The following DNAJC18 variants were observed in gnomAD, a reference collection of about 807,000 sequenced individuals.
DNAJC18 encodes dnaJ homolog subfamily C member 18.
A neutral mutation model predicts 48.6 loss-of-function variants in DNAJC18; 40 were observed. The observed-to-expected ratio is 0.82, with a 90% CI of 0.64 to 1.07. DNAJC18 has a LOEUF of 1.07. Ranked by LOEUF, DNAJC18 falls within the 50% of genes least tolerant of loss-of-function variation. The pLI, the probability that DNAJC18 is intolerant of heterozygous loss-of-function variation, is 0.00. For synonymous variants in DNAJC18, 135 were observed against 152.2 expected, an observed-to-expected ratio of 0.89 and a Z score of 0.83; for missense variants, 340 against 427.7, an observed-to-expected ratio of 0.79 and a Z score of 1.81.
Position 139,439,434 on chromosome 5 carries a change from A to G in DNAJC18, c.12T>C (p.Thr4=). The G allele has an allele frequency of 6.2e-7, 1 of 1,613,772 alleles. No individual in the cohort carries two copies. The change falls in exon 1 of 8, where the codon ACT becomes ACC. Residue 4 remains threonine (T), a synonymous_variant. Transcript: ENST00000302060. The surrounding 1 kb of genome is among the most constrained non-coding windows in gnomAD (Gnocchi z 4.1). ...CCGTCCAGCGCTCCCCGCTGCCCAGAGTCGCCGCCATATCGGTTCCCAATC... is the reference window on the plus strand; with the variant it reads ...CCGTCCAGCGCTCCCCGCTGCCCAGGGTCGCCGCCATATCGGTTCCCAATC... MAA[T]LGSGERWTEA...
chr5:139,428,922 G>A (rs1408017895), intron 2 of DNAJC18, among the ~76,000 whole-genome samples: 1 of 152,050 alleles, frequency 6.6e-6, no homozygotes, highest in Non-Finnish European at 1.5e-5. Context: ...CTGCAAGTGA[G>A]TAGAACAAGT....
intron 6 of DNAJC18, 25 bp from the exon 7 acceptor site, chr5:139,420,250 T>C (rs1201601909): frequency 7.6e-6 from 12 of 1,584,684 alleles, no homozygotes; most frequent in Non-Finnish European, 1.0e-5. Flanking sequence ...GAGAGGCTCA[T>C]GTGAGCTCAT....
At chr5:139,436,050 C>T (rs1226410629) in intron 2 of DNAJC18, among the ~76,000 whole-genome samples, 2 of 151,490 alleles carry the variant, frequency 1.3e-5, no homozygotes, top group African/African-American at 2.4e-5. Flanking sequence ...TTAATTAAAT[C>T]ACCTTATTTG....
In DNAJC18 at chr5:139,411,715, T is replaced by C. The variant is rs1450613283; in HGVS notation, c.*2433A>G. ...GTGCTATAAAAACAGACAATCAGCG[T>C]GACATTTAATGGAGTTAGTTATTAT... On this transcript the variant is annotated 3_prime_UTR_variant, in exon 8 of 8. Transcript: ENST00000302060. The C allele has an allele frequency of 1.3e-5, 2 of 152,224 alleles. No homozygotes were observed. The highest frequency in any genetic ancestry group is 2.4e-5 in the African/African-American group (1 of 41,458). The allele number at this position is 152,224 out of a possible 1,614,324, so 9.4% of individuals were successfully genotyped here.
intron 2 of DNAJC18, among the ~76,000 whole-genome samples, chr5:139,430,813 C>T (rs901657726): frequency 6.6e-6 from 1 of 152,094 alleles, no homozygotes; most frequent in African/African-American, 2.4e-5. Flanking sequence ...TCAAGTGATC[C>T]ACCTGCCTTG....
chr5:139,415,169 T>C (rs371151028), intron 7 of DNAJC18, among the ~76,000 whole-genome samples: 79 of 152,312 alleles, frequency 5.2e-4, no homozygotes, highest in Non-Finnish European at 9.0e-4. Context: ...AATGCTATTT[T>C]AATTGTTTTG....
chr5:139,420,585 T>C (rs951987556), intron 6 of DNAJC18, among the ~76,000 whole-genome samples: 2 of 148,652 alleles, frequency 1.3e-5, no homozygotes, highest in African/African-American at 2.5e-5. Flanking sequence ...CTATTATAAA[T>C]GCTGGTTGAA....
intron 2 of DNAJC18, among the ~76,000 whole-genome samples, chr5:139,429,032 T>C (rs1340239053): frequency 3.9e-5 from 6 of 152,050 alleles, no homozygotes; most frequent in African/African-American, 1.4e-4. Flanking sequence ...TTGTTTATAA[T>C]TTTTTCTCTC....
intron 2 of DNAJC18, among the ~76,000 whole-genome samples, chr5:139,431,199 C>G (rs11242466): frequency 0.5 from 75,820 of 152,026 alleles, 22,415 homozygotes; most frequent in Non-Finnish European, 0.67. Context: ...TTTAATAATG[C>G]TTTATTGAGA....
chr5:139,426,851 T>TCA (rs150809523), intron 3 of DNAJC18, among the ~76,000 whole-genome samples: 72 of 151,286 alleles, frequency 4.8e-4, no homozygotes, highest in East Asian at 1.4e-3. Context: ...TGAGACTTTG[T>TCA]CACACACACA....
intron 4 of DNAJC18, among the ~76,000 whole-genome samples, chr5:139,425,646 C>G (rs1030585376): frequency 6.6e-6 from 1 of 152,122 alleles, no homozygotes. Flanking sequence ...GAGAGAACCC[C>G]GAAAGGCTAG....
At chr5:139,416,080 G>A (rs909298583) in intron 7 of DNAJC18, among the ~76,000 whole-genome samples, 1 of 152,172 alleles carries the variant, frequency 6.6e-6, no homozygotes, top group African/African-American at 2.4e-5. Flanking sequence ...GTGTTTCAAG[G>A]AATCATGTCC....
chr5:139,436,093 T>TC (rs1371673440), intron 2 of DNAJC18, among the ~76,000 whole-genome samples: 2 of 151,860 alleles, frequency 1.3e-5, no homozygotes, highest in Non-Finnish European at 2.9e-5. Context: ...CTTTTTTTTT[T>TC]CTTTTTCTTT....
chr5:139,416,808 C>A (rs1274320603), intron 7 of DNAJC18, among the ~76,000 whole-genome samples: 1 of 152,190 alleles, frequency 6.6e-6, no homozygotes, highest in African/African-American at 2.4e-5. Context: ...TGGCCACTTG[C>A]CCTGGCATCA....
At chr5:139,428,026 CCT>C (rs1562000238) in intron 3 of DNAJC18, among the ~76,000 whole-genome samples, 2 of 152,156 alleles carry the variant, frequency 1.3e-5, no homozygotes, top group Admixed American at 6.5e-5. Context: ...CTCAAGCAAT[CCT>C]CCCACCTCAG....
At chr5:139,435,705 G>T (rs912523863) in intron 2 of DNAJC18, among the ~76,000 whole-genome samples, 46 of 41,190 alleles carry the variant, frequency 1.1e-3, no homozygotes, top group South Asian at 4.9e-3. Context: ...TTCATTGGAA[G>T]TTTTTTTTTT....
intron 5 of DNAJC18, among the ~76,000 whole-genome samples, chr5:139,424,717 C>CAAAAAAGAA (rs1759207311): frequency 4.3e-5 from 1 of 23,100 alleles, no homozygotes; most frequent in East Asian, 1.2e-3. Flanking sequence ...GACCCTCTCT[C>CAAAAAAGAA]AAAAAAAAAA....
In DNAJC18 at chr5:139,420,153, G is replaced by A; in HGVS notation, c.852C>T (p.Asp284=). ...GCAGAGAAGCTCCTCTGTAGGCCTT[G>A]TCAAAGTTTTTATCCACAAAGTAAG... ...QVPYFVDKNF[D]KAYRGASLHD... is the part of the protein sequence containing the mutation. Residue 284 remains aspartate (D), a synonymous_variant, in exon 7 of 8, where the codon GAC becomes GAT. Coordinates refer to ENST00000302060, the MANE Select transcript of DNAJC18 (RefSeq NM_152686.4). 1 of 1,611,984 alleles carries A rather than the reference G, an allele frequency of 6.2e-7. No individual in the cohort carries two copies. Among genetic ancestry groups the A allele is most frequent in the Non-Finnish European group, 8.5e-7 (1 of 1,179,468 alleles).
rs1759034359 is a variant in DNAJC18 at position 139,414,063 on chromosome 5, C to T, written c.*85G>A. 2 of 1,544,708 alleles carry T rather than the reference C, an allele frequency of 1.3e-6. No homozygotes were observed. Among genetic ancestry groups the T allele is most frequent in the Non-Finnish European group, 1.7e-6 (2 of 1,148,772 alleles). ...GCAAATAGTAAAGTGTTCATCATTA[C>T]CTAGTTTTGTATTATAAAATGGAAT... On this transcript the variant is annotated 3_prime_UTR_variant, in exon 8 of 8. Coordinates refer to ENST00000302060, the MANE Select transcript of DNAJC18 (RefSeq NM_152686.4).
Sources: gnomAD v4.1 joint callset for allele counts (sites outside exome capture counted in the v4.1 genomes callset) on GRCh38, gnomAD v4.1.1 for gene constraint, Gnocchi (gnomAD v3.1) non-coding constraint, MANE v1.5 for transcripts, NCBI Gene and HGNC (gene_info 2026-07-23, HGNC 2026-07-21) for gene names.